Variants in RBFOX1 observed in about 807,000 individuals in gnomAD.
RBFOX1 encodes RNA binding protein fox-1 homolog 1.
A neutral mutation model predicts 57.7 loss-of-function variants in RBFOX1; 8 were observed. That is an observed-to-expected ratio of 0.14 (90% CI 0.08 to 0.25). The LOEUF (loss-of-function observed/expected upper bound fraction) is 0.25. Among genes scored for constraint, RBFOX1 ranks in the 10% least tolerant of loss-of-function variants. The probability of loss-of-function intolerance (pLI) is 1.00; values close to 1 mark genes in which losing one functional copy is unlikely to be tolerated. For synonymous variants in RBFOX1, 326 were observed against 222.4 expected, an observed-to-expected ratio of 1.47 and a Z score of -4.15; for missense variants, 611 against 548.5, an observed-to-expected ratio of 1.11 and a Z score of -1.14.
intron 7 of RBFOX1, 26 bp from the exon 8 acceptor site, chr16:7,595,522 GT>G: frequency 1.3e-6 from 2 of 1,511,084 alleles, no homozygotes; most frequent in South Asian, 1.3e-5. Flanking sequence ...TCTGCATGTT[GT>G]TTTCCCTTCT....
chr16:7,258,750 A>G (rs143430756), intron 4 of RBFOX1, among the ~76,000 whole-genome samples: 3 of 152,112 alleles, frequency 2.0e-5, no homozygotes, highest in African/African-American at 4.8e-5. Context: ...ACTAACCTCA[A>G]CTTTATTAGT....
rs572506762 is a variant in RBFOX1, at chr16:5,993,507, G to C, written c.351+126172G>C. On this transcript the variant is annotated intron_variant, in intron 4 of 19. Transcript: ENST00000641259. ...TCTGGTGAAGGAGGCAGAAAATACAGCCAAGTCTGTAGAATTCACCTTCTT... is the reference window on the plus strand; with the variant it reads ...TCTGGTGAAGGAGGCAGAAAATACACCCAAGTCTGTAGAATTCACCTTCTT... Among the ~76,000 whole-genome samples the C allele has an allele frequency of 5.9e-5, 9 of 152,156 alleles. No homozygotes were observed. In the South Asian group the frequency reaches 1.7e-3, roughly 28 times the overall value.
chr16:7,218,292 A>G (rs1603302810), intron 4 of RBFOX1, among the ~76,000 whole-genome samples: 1 of 152,164 alleles, frequency 6.6e-6, no homozygotes. Flanking sequence ...TGGTGGTACT[A>G]ATTTAAAAAT....
intron 2 of RBFOX1, among the ~76,000 whole-genome samples, chr16:6,368,055 C>CCTCACACA (rs1567134161): frequency 6.6e-6 from 1 of 152,140 alleles, no homozygotes. Context: ...TTGGTCACCC[C>CCTCACACA]CTCACACAGG....
intron 2 of RBFOX1, among the ~76,000 whole-genome samples, chr16:6,411,047 T>C: frequency 6.6e-6 from 1 of 152,218 alleles, no homozygotes; most frequent in South Asian, 2.1e-4. Context: ...TGGCTCCCGC[T>C]GCTCACAGGA....
chr16:5,779,796 T>C (rs2054269330), intron 3 of RBFOX1, among the ~76,000 whole-genome samples: 1 of 152,208 alleles, frequency 6.6e-6, no homozygotes, highest in African/African-American at 2.4e-5. Flanking sequence ...AGGCCACGAC[T>C]GTCTTGTCTA....
At position 7,180,120 on chromosome 16, in the gene RBFOX1, C is replaced by T. The variant is rs1375113355; in HGVS notation, c.27+128022C>T. On this transcript the variant is annotated intron_variant, in intron 4 of 15. Transcript: ENST00000550418. ...TTTTGTCCACAGCAGCCCTGATATCCATGGTGAATAGTGTGTTAGCCATTT... is the reference window on the plus strand; with the variant it reads ...TTTTGTCCACAGCAGCCCTGATATCTATGGTGAATAGTGTGTTAGCCATTT... Among the ~76,000 whole-genome samples the T allele has an allele frequency of 3.3e-5, 5 of 152,126 alleles. No individual in the cohort carries two copies. In the East Asian group the frequency reaches 9.6e-4, roughly 29 times the overall value.
chr16:5,306,021 C>T (rs1176098746), intron 1 of RBFOX1, among the ~76,000 whole-genome samples: 4 of 152,110 alleles, frequency 2.6e-5, no homozygotes, highest in Non-Finnish European at 5.9e-5. Flanking sequence ...GCAAGACTCC[C>T]ACCTCTACAA....
At chr16:6,705,002 T>C (rs1489436254) in intron 3 of RBFOX1, 1 of 152,190 alleles carries the variant, frequency 6.6e-6, no homozygotes, top group Non-Finnish European at 1.5e-5. Flanking sequence ...TTTTTAACTT[T>C]AATCCGGAAC....
chr16:6,495,826 A>G (rs1598232290), intron 2 of RBFOX1, among the ~76,000 whole-genome samples: 1 of 152,152 alleles, frequency 6.6e-6, no homozygotes, highest in African/African-American at 2.4e-5. Context: ...CTTCCCACCT[A>G]TTGAAGACGT....
chr16:5,861,958 A>T (rs533833909), intron 3 of RBFOX1, among the ~76,000 whole-genome samples: 1 of 152,232 alleles, frequency 6.6e-6, no homozygotes, highest in African/African-American at 2.4e-5. Flanking sequence ...ACTGTACGTG[A>T]GATTAAAGTT....
intron 4 of RBFOX1, among the ~76,000 whole-genome samples, chr16:7,479,319 G>A (rs1696771717): frequency 6.6e-6 from 1 of 151,848 alleles, no homozygotes; most frequent in South Asian, 2.1e-4. Context: ...TTGTAGAGAT[G>A]GGGGTCTCAC....
At chr16:6,153,607 C>G (rs982449043) in intron 1 of RBFOX1, among the ~76,000 whole-genome samples, 1 of 152,058 alleles carries the variant, frequency 6.6e-6, no homozygotes, top group African/African-American at 2.4e-5. Context: ...ATGATCTCGG[C>G]TCACTGCAAC....
intron 4 of RBFOX1, among the ~76,000 whole-genome samples, chr16:7,180,422 A>G (rs1236406851): frequency 6.6e-6 from 1 of 152,180 alleles, no homozygotes; most frequent in Non-Finnish European, 1.5e-5. Context: ...TCTTGTCATC[A>G]GATGCCGGGC....
At chr16:7,105,745 G>T (rs1003979252) in intron 4 of RBFOX1, among the ~76,000 whole-genome samples, 1 of 150,524 alleles carries the variant, frequency 6.6e-6, no homozygotes, top group Non-Finnish European at 1.5e-5. Flanking sequence ...TATAGATTCA[G>T]TCACAGAGAT....
At chr16:6,823,857 G>A (rs2091730331) in intron 3 of RBFOX1, among the ~76,000 whole-genome samples, 2 of 152,136 alleles carry the variant, frequency 1.3e-5, no homozygotes, top group Non-Finnish European at 2.9e-5. Flanking sequence ...GCTCTGTGCT[G>A]TGGGCTGGGG....
chr16:7,568,925 T>C (rs1366815077), intron 5 of RBFOX1, among the ~76,000 whole-genome samples: 3 of 150,428 alleles, frequency 2.0e-5, no homozygotes, highest in African/African-American at 7.3e-5. Flanking sequence ...TAAAACTGTC[T>C]GGGAATGCAG....
intron 4 of RBFOX1, among the ~76,000 whole-genome samples, chr16:7,508,015 C>G (rs568594151): frequency 3.4e-4 from 51 of 151,622 alleles, no homozygotes; most frequent in Non-Finnish European, 6.6e-4. Flanking sequence ...GAGATGGAGT[C>G]TCACCCTATC....
At chr16:6,240,318 A>G (rs2097533584) in intron 1 of RBFOX1, among the ~76,000 whole-genome samples, 2 of 152,154 alleles carry the variant, frequency 1.3e-5, no homozygotes, top group African/African-American at 2.4e-5. Context: ...TATGGGGACT[A>G]ATTGTCTCCA....
Sources: gnomAD v4.1 joint callset for allele counts (sites outside exome capture counted in the v4.1 genomes callset) on GRCh38, gnomAD v4.1.1 for gene constraint, MANE v1.5 for transcripts, NCBI Gene and HGNC (gene_info 2026-07-23, HGNC 2026-07-21) for gene names.